Variants in KLHL1 observed in about 807,000 individuals in gnomAD.
The protein encoded by KLHL1 is kelch-like protein 1.
In KLHL1, 47 loss-of-function variants were observed where a neutral mutation model predicts 77.7. That is an observed-to-expected ratio of 0.60 (90% CI 0.48 to 0.77). The LOEUF (loss-of-function observed/expected upper bound fraction) is 0.77, where lower values mean the gene tolerates loss of function less well. KLHL1 is among the 30% of genes least tolerant of loss of function. The pLI, the probability that KLHL1 is intolerant of heterozygous loss-of-function variation, is 0.00. For synonymous variants in KLHL1, 360 were observed against 325.2 expected, an observed-to-expected ratio of 1.11 and a Z score of -1.15; for missense variants, 925 against 910.8, an observed-to-expected ratio of 1.02 and a Z score of -0.20.
chr13:69,722,784 G>A, intron 8 of KLHL1, among the ~76,000 whole-genome samples: 1 of 151,998 alleles, frequency 6.6e-6, no homozygotes, highest in African/African-American at 2.4e-5. Context: ...ATTACAAGTA[G>A]ATTCACCATA....
chr13:69,799,996 C>A (rs887149738), intron 6 of KLHL1, among the ~76,000 whole-genome samples: 1 of 152,082 alleles, frequency 6.6e-6, no homozygotes, highest in South Asian at 2.1e-4. Context: ...TGCCTGATAA[C>A]CTGAGGTGGA....
intron 3 of KLHL1, among the ~76,000 whole-genome samples, chr13:69,947,251 G>C (rs567992298): frequency 5.9e-5 from 9 of 152,186 alleles, no homozygotes; most frequent in African/African-American, 2.2e-4. Flanking sequence ...GATGTGGACA[G>C]TGAGGAATAA....
chr13:69,768,190 C>A (rs963569068), intron 7 of KLHL1, among the ~76,000 whole-genome samples: 1 of 152,132 alleles, frequency 6.6e-6, no homozygotes. Flanking sequence ...TACCAAGCTG[C>A]AAAGAATGCA....
chr13:69,778,597 C>T (rs1326942627), intron 7 of KLHL1, among the ~76,000 whole-genome samples: 1 of 152,040 alleles, frequency 6.6e-6, no homozygotes, highest in Admixed American at 6.6e-5. Context: ...GAAGATTACT[C>T]ATACATTTTG....
chr13:70,101,890 T>C (rs1166042182), intron 1 of KLHL1, among the ~76,000 whole-genome samples: 1 of 151,954 alleles, frequency 6.6e-6, no homozygotes, highest in Non-Finnish European at 1.5e-5. Context: ...GGTATTATTT[T>C]TGCTAGTTTT....
chr13:69,761,618 T>C (rs762314246), intron 7 of KLHL1, among the ~76,000 whole-genome samples: 6 of 152,178 alleles, frequency 3.9e-5, no homozygotes, highest in Non-Finnish European at 5.9e-5. Context: ...AGTACTGAAA[T>C]TGTTAAGATA....
At chr13:70,075,636 ATATAGGACTTT>A (rs1461110131) in intron 1 of KLHL1, among the ~76,000 whole-genome samples, 23 of 143,414 alleles carry the variant, frequency 1.6e-4, no homozygotes, top group African/African-American at 5.9e-4. Flanking sequence ...ATGTATATAT[ATATAGGACTTT>A]TATATATATA....
At chr13:69,777,899 G>A (rs1875916824) in intron 7 of KLHL1, among the ~76,000 whole-genome samples, 1 of 152,002 alleles carries the variant, frequency 6.6e-6, no homozygotes. Context: ...GCATTTTACT[G>A]GTAGTTGAAT....
intron 9 of KLHL1, among the ~76,000 whole-genome samples, chr13:69,715,580 G>A (rs1000189977): frequency 1.3e-5 from 2 of 151,692 alleles, no homozygotes; most frequent in African/African-American, 4.8e-5. Context: ...GAGTGCAGTG[G>A]CGCGATCTCG....
chr13:69,824,972 G>C (rs1348425787), intron 6 of KLHL1, among the ~76,000 whole-genome samples: 1 of 152,004 alleles, frequency 6.6e-6, no homozygotes, highest in East Asian at 1.9e-4. Context: ...TTAGGATCAA[G>C]TTCATTCATG....
At chr13:69,975,461 A>T (rs927074679) in intron 2 of KLHL1, among the ~76,000 whole-genome samples, 159 bp downstream of exon 2, 3 of 150,924 alleles carry the variant, frequency 2.0e-5, no homozygotes, top group African/African-American at 7.3e-5. Flanking sequence ...AATAAGAAAT[A>T]AAAACAAGTA....
In KLHL1 at chr13:69,944,004, A is replaced by G. The variant is rs148919958; in HGVS notation, c.818-3768T>C. On this transcript the variant is annotated intron_variant, in intron 3 of 10. Transcript: ENST00000377844. ...TTTCTCTCAATATAATTTATGCAGA[A>G]AAGAATGAGCACAGCAGACCTGAAC... 3.1e-3 allele frequency among the ~76,000 whole-genome samples: 477 copies of G among 152,318 alleles called. 1 individual carries two copies. Among genetic ancestry groups the G allele is most frequent in the African/African-American group, 0.011 (454 of 41,576 alleles).
intron 7 of KLHL1, among the ~76,000 whole-genome samples, chr13:69,768,925 A>G (rs927041053): frequency 2.0e-5 from 3 of 152,190 alleles, no homozygotes; most frequent in African/African-American, 7.2e-5. Context: ...TTATACCATC[A>G]ATGATATTTT....
At chr13:69,967,991 C>T (rs1593634380) in intron 2 of KLHL1, among the ~76,000 whole-genome samples, 1 of 151,822 alleles carries the variant, frequency 6.6e-6, no homozygotes, top group Admixed American at 6.6e-5. Flanking sequence ...GAAGTTATAC[C>T]GTGGGTAGAA....
chr13:69,799,332 G>T (rs1877271232), intron 6 of KLHL1, among the ~76,000 whole-genome samples: 1 of 152,136 alleles, frequency 6.6e-6, no homozygotes, highest in South Asian at 2.1e-4. Context: ...AAATAGTTAG[G>T]AATGAGTGAA....
chr13:69,882,090 G>T (rs150572439), intron 5 of KLHL1, among the ~76,000 whole-genome samples, 193 bp downstream of exon 5: 1 of 152,120 alleles, frequency 6.6e-6, no homozygotes, highest in African/African-American at 2.4e-5. Flanking sequence ...GTCAATAAGC[G>T]GCAGAGATAG....
chr13:69,767,034 T>C (rs188916497), intron 7 of KLHL1, among the ~76,000 whole-genome samples: 4 of 152,344 alleles, frequency 2.6e-5, no homozygotes, highest in Admixed American at 1.3e-4. Flanking sequence ...TAGCAATTGG[T>C]ATTTTTCTAG....
intron 7 of KLHL1, among the ~76,000 whole-genome samples, chr13:69,782,489 A>T (rs1212732000): frequency 6.6e-6 from 1 of 152,220 alleles, no homozygotes; most frequent in Non-Finnish European, 1.5e-5. Flanking sequence ...CAACGGGCTT[A>T]AAAAATGGCA....
intron 1 of KLHL1, among the ~76,000 whole-genome samples, chr13:70,036,641 T>A (rs1298667663): frequency 6.6e-6 from 1 of 152,100 alleles, no homozygotes; most frequent in Non-Finnish European, 1.5e-5. Context: ...TTGAGTTTAA[T>A]GAATGTTGAT....
Sources: allele counts gnomAD v4.1 joint callset (sites outside exome capture counted in the v4.1 genomes callset), GRCh38; gene constraint gnomAD v4.1.1; transcripts MANE v1.5; gene names NCBI Gene and HGNC (gene_info 2026-07-23, HGNC 2026-07-21).